Variants in MTMR7 observed in about 807,000 individuals in gnomAD.
MTMR7 encodes phosphatidylinositol-3-phosphate phosphatase MTMR7.
Under a neutral mutation model 81.2 loss-of-function variants are expected in MTMR7, and 76 were observed. The ratio of observed to expected loss-of-function variants is 0.94; its 90% CI spans 0.78 to 1.13. The LOEUF (loss-of-function observed/expected upper bound fraction) is 1.13. Among genes scored for constraint, MTMR7 ranks in the 50% most tolerant of loss-of-function variants. The pLI, the probability that MTMR7 is intolerant of heterozygous loss-of-function variation, is 0.00. For synonymous variants in MTMR7, 372 were observed against 289.8 expected, an observed-to-expected ratio of 1.28 and a Z score of -2.88; for missense variants, 1,044 against 820.0, an observed-to-expected ratio of 1.27 and a Z score of -3.34.
intron 1 of MTMR7, among the ~76,000 whole-genome samples, chr8:17,412,913 T>C (rs1821774696): frequency 1.3e-5 from 2 of 152,174 alleles, no homozygotes; most frequent in African/African-American, 4.8e-5. Context: ...TCAACTACTC[T>C]GAGCGGCCAA....
At position 17,362,589 on chromosome 8, in the gene MTMR7, C is replaced by T. The variant is rs539587795; in HGVS notation, c.311-1315G>A. ...GTCCAGGTTTAAATGAGACATCTGG[C>T]TGCAGAAGGCCTGCTCCTAATTGTA... On this transcript the variant is annotated intron_variant, in intron 3 of 13. Coordinates refer to ENST00000180173, the MANE Select transcript of MTMR7 (RefSeq NM_004686.5). Among the ~76,000 whole-genome samples, 3 of 152,308 alleles carry T rather than the reference C, an allele frequency of 2.0e-5. No homozygotes were observed. In the South Asian group the frequency reaches 6.2e-4, roughly 32 times the overall value.
At chr8:17,388,943 G>A (rs1042036020) in intron 1 of MTMR7, among the ~76,000 whole-genome samples, 15 of 152,138 alleles carry the variant, frequency 9.9e-5, no homozygotes, top group African/African-American at 3.6e-4. Context: ...CTTACAGTCC[G>A]GCCCTAAAGT....
chr8:17,374,223 C>A (rs1181169360), intron 1 of MTMR7, among the ~76,000 whole-genome samples: 1 of 152,252 alleles, frequency 6.6e-6, no homozygotes, highest in East Asian at 1.9e-4. Context: ...CAGTGCCTCA[C>A]ATCTGTAATC....
chr8:17,401,748 G>C (rs1468721107), intron 1 of MTMR7, among the ~76,000 whole-genome samples: 1 of 152,180 alleles, frequency 6.6e-6, no homozygotes, highest in South Asian at 2.1e-4. Flanking sequence ...TCCAGCACTG[G>C]AAGGGTGAAA....
At chr8:17,377,160 C>G (rs1416250075) in intron 1 of MTMR7, among the ~76,000 whole-genome samples, 1 of 152,044 alleles carries the variant, frequency 6.6e-6, no homozygotes, top group Non-Finnish European at 1.5e-5. Context: ...ATCAATTAAT[C>G]AGGAAGCTTT....
rs4921755 is a variant in MTMR7 at position 17,337,275 on chromosome 8, G to C, written c.732+4088C>G. On this transcript the variant is annotated intron_variant, in intron 6 of 13. Coordinates refer to ENST00000180173, the MANE Select transcript of MTMR7 (RefSeq NM_004686.5). The stretch of plus-strand genomic sequence containing the variant: ...AGCTACTCGGGAGGCTGAGGCAGGA[G>C]AATCACTTGAACCCGGGAGATGGAG... Among the ~76,000 whole-genome samples the C allele has an allele frequency of 5.3e-5, 8 of 150,154 alleles. No homozygotes were observed. In the East Asian group the frequency reaches 6.0e-4, roughly 11 times the overall value.
intron 13 of MTMR7, 71 bp downstream of exon 13, chr8:17,302,083 A>G: frequency 6.3e-7 from 1 of 1,587,650 alleles, no homozygotes; most frequent in Non-Finnish European, 8.6e-7. Flanking sequence ...GAATCTTAAG[A>G]GGCTTTCATG....
At chr8:17,356,829 T>C (rs150589472) in intron 4 of MTMR7, among the ~76,000 whole-genome samples, 26 of 152,198 alleles carry the variant, frequency 1.7e-4, no homozygotes, top group African/African-American at 5.5e-4. Flanking sequence ...CCAGCGAATA[T>C]CACATCAATA....
intron 5 of MTMR7, among the ~76,000 whole-genome samples, chr8:17,347,981 G>A (rs1295339696): frequency 6.6e-6 from 1 of 152,112 alleles, no homozygotes; most frequent in Admixed American, 6.5e-5. Flanking sequence ...TCCAGGTGGT[G>A]GTAGAGCAGA....
intron 4 of MTMR7, among the ~76,000 whole-genome samples, chr8:17,355,421 T>G (rs7838209): frequency 0.31 from 47,522 of 151,858 alleles, 8,812 homozygotes; most frequent in East Asian, 0.71. Flanking sequence ...ATCCATAAAT[T>G]CAAGATATCC....
intron 3 of MTMR7, among the ~76,000 whole-genome samples, chr8:17,362,789 G>A (rs1484400883): frequency 1.3e-5 from 2 of 152,166 alleles, no homozygotes; most frequent in East Asian, 3.9e-4. Flanking sequence ...CTAAATACAT[G>A]TATGTGTAGC....
intron 1 of MTMR7, among the ~76,000 whole-genome samples, chr8:17,395,696 A>G (rs1585120051): frequency 6.6e-6 from 1 of 152,130 alleles, no homozygotes; most frequent in South Asian, 2.1e-4. Context: ...CTATCTTTTG[A>G]TGTACTTATT....
chr8:17,388,942 C>T lies in MTMR7; in HGVS notation c.25-15702G>A, dbSNP rs1030215554. ...TTTTTCTCTTTCTCCTCTTACAGTC[C>T]GGCCCTAAAGTGTCCATCATTCCCA... On this transcript the variant is annotated intron_variant, in intron 1 of 13. Transcript: ENST00000180173. Among the ~76,000 whole-genome samples the T allele has an allele frequency of 5.3e-5, 8 of 152,312 alleles. No homozygotes were observed. In the East Asian group the frequency reaches 5.8e-4, roughly 11 times the overall value.
intron 1 of MTMR7, among the ~76,000 whole-genome samples, chr8:17,384,098 T>A (rs148457947): frequency 6.6e-4 from 101 of 152,236 alleles, no homozygotes; most frequent in African/African-American, 2.3e-3. Flanking sequence ...AAAGCATACA[T>A]CTCACTAGTT....
Position 17,329,466 on chromosome 8 carries a change from C to T in MTMR7, c.865+1684G>A, listed in dbSNP as rs190977172. On this transcript the variant is annotated intron_variant, in intron 7 of 13. Coordinates refer to ENST00000180173, the MANE Select transcript of MTMR7 (RefSeq NM_004686.5). ...GTCAGTTTGCATGTTCTTTAGAAAA[C>T]AGTAGTGTCAGACCACAGGCATAAG... is the stretch of plus-strand genomic sequence containing the variant. 2.1e-3 allele frequency among the ~76,000 whole-genome samples: 322 copies of T among 152,258 alleles called. 2 individuals carry two copies. Among genetic ancestry groups the T allele is most frequent in the Non-Finnish European group, 3.5e-3 (238 of 68,010 alleles).
intron 3 of MTMR7, among the ~76,000 whole-genome samples, chr8:17,361,697 C>A (rs1011511999): frequency 6.6e-6 from 1 of 152,004 alleles, no homozygotes; most frequent in Non-Finnish European, 1.5e-5. Context: ...AGACACAAGG[C>A]CCAGGCCAAT....
intron 4 of MTMR7, among the ~76,000 whole-genome samples, chr8:17,355,683 C>G (rs1819869525): frequency 6.6e-6 from 1 of 152,022 alleles, no homozygotes; most frequent in Admixed American, 6.6e-5. Context: ...GACAAGATAT[C>G]TGCAAGAGCT....
At chr8:17,334,854 G>C (rs555944220) in intron 6 of MTMR7, among the ~76,000 whole-genome samples, 35 of 152,200 alleles carry the variant, frequency 2.3e-4, no homozygotes, top group Non-Finnish European at 4.4e-4. Context: ...GTAACGTTTT[G>C]TTTAAGAGAG....
At chr8:17,342,986 G>C (rs1819447820) in intron 5 of MTMR7, among the ~76,000 whole-genome samples, 1 of 152,086 alleles carries the variant, frequency 6.6e-6, no homozygotes, top group Admixed American at 6.5e-5. Context: ...CCGAAGACCA[G>C]AAATCAAATG....
Sources: allele counts gnomAD v4.1 joint callset (sites outside exome capture counted in the v4.1 genomes callset), GRCh38; gene constraint gnomAD v4.1.1; transcripts MANE v1.5; gene names NCBI Gene and HGNC (gene_info 2026-07-23, HGNC 2026-07-21).